The following TUBGCP6 variants were observed in gnomAD, a reference collection of about 807,000 sequenced individuals.
TUBGCP6 encodes the protein tubulin gamma complex component 6, also known as gamma-tubulin complex component 6.
In TUBGCP6, 161 loss-of-function variants were observed where a neutral mutation model predicts 175.8. The observed-to-expected ratio is 0.92, with a 90% CI of 0.81 to 1.04. The LOEUF is 1.04. TUBGCP6 is among the 50% of genes least tolerant of loss of function. The pLI, the probability that TUBGCP6 is intolerant of heterozygous loss-of-function variation, is 0.00. For synonymous variants in TUBGCP6, 1,173 were observed against 1,030.5 expected (o/e 1.14, Z -2.65); for missense variants, 2,572 against 2,433.0 (o/e 1.06, Z -1.20).
chr22:50,233,034 G>A (rs376222008), intron 3 of TUBGCP6, among the ~76,000 whole-genome samples: 17 of 152,268 alleles, frequency 1.1e-4, no homozygotes, highest in African/African-American at 3.4e-4. Context: ...ACTTCAGGAC[G>A]GAAATGGAAA....
intron 2 of TUBGCP6, among the ~76,000 whole-genome samples, chr22:50,237,097 A>G (rs956120555): frequency 3.3e-5 from 5 of 152,358 alleles, no homozygotes; most frequent in Admixed American, 2.6e-4. Flanking sequence ...CATGCAGAGA[A>G]AGAGACCATT....
chr22:50,224,602 A>G lies in TUBGCP6; in HGVS notation c.1984-10T>C. On this transcript the variant is annotated splice_polypyrimidine_tract_variant and intron_variant, in intron 10 of 24. Coordinates refer to ENST00000248846, the MANE Select transcript of TUBGCP6 (RefSeq NM_020461.4). The stretch of plus-strand genomic sequence containing the variant: ...TTTCCATACGTAATTCCTGAGAAAG[A>G]CAACTGGTAATCAAAGCATCCTGGC... The G allele has an allele frequency of 6.2e-7, 1 of 1,613,350 alleles. No individual in the cohort carries two copies.
At chr22:50,237,050 C>T (rs1171510369) in intron 2 of TUBGCP6, among the ~76,000 whole-genome samples, 2 of 152,238 alleles carry the variant, frequency 1.3e-5, no homozygotes, top group Non-Finnish European at 2.9e-5. Context: ...GAACACAACC[C>T]AAAATGTAGC....
At chr22:50,218,426 G>A (rs2064455051) in intron 22 of TUBGCP6, 24 bp from the exon 23 acceptor site, 5 of 1,612,694 alleles carry the variant, frequency 3.1e-6, no homozygotes, top group East Asian at 4.5e-5. Flanking sequence ...GAAGGCAGAG[G>A]GCAGAGGTGA....
In TUBGCP6 at chr22:50,220,302, T is replaced by A; in HGVS notation, c.4057A>T (p.Thr1353Ser). 1 of 1,576,860 alleles carries A rather than the reference T, an allele frequency of 6.3e-7. No homozygotes were observed. The highest frequency in any genetic ancestry group is 8.6e-7 in the Non-Finnish European group (1 of 1,157,142). ...VGENVSDVAPTQPWWPNTPGD... is the reference protein window; with the variant it reads ...VGENVSDVAPSQPWWPNTPGD... ...GGGGTGTTGGGCCACCATGGTTGGG[T>A]GGGAGCCACGTCTGACACGTTCTCC... is the stretch of plus-strand genomic sequence containing the variant. The change falls in exon 16 of 25, where the codon ACC (threonine) becomes TCC (serine). Residue 1353 changes from threonine to serine, a missense_variant. By Grantham distance (58) the Thr-to-Ser change is moderately conservative. Coordinates refer to ENST00000248846, the MANE Select transcript of TUBGCP6 (RefSeq NM_020461.4).
In TUBGCP6 at chr22:50,221,167, C is replaced by T; in HGVS notation, c.3192G>A (p.Gly1064=). ...GHVSDASIRV[G]ENVSDVAPTQ... The stretch of plus-strand genomic sequence containing the variant: ...TGGGAGCCACATCTGACACATTCTC[C>T]CCGACCCTGATGCTGGCGTCAGACA... The change falls in exon 16 of 25, where the codon GGG becomes GGA. Residue 1064 remains glycine (G), a synonymous_variant. Coordinates refer to ENST00000248846, the MANE Select transcript of TUBGCP6 (RefSeq NM_020461.4). 1 of 1,608,164 alleles carries T rather than the reference C, an allele frequency of 6.2e-7. No individual in the cohort carries two copies. The highest frequency in any genetic ancestry group is 1.1e-5 in the South Asian group (1 of 90,898).
Position 50,224,170 on chromosome 22 carries a change from G to A in TUBGCP6, c.2241C>T (p.Ser747=). Residue 747 remains serine (S), a synonymous_variant, in exon 13 of 25, where the codon TCC becomes TCT. Coordinates refer to ENST00000248846, the MANE Select transcript of TUBGCP6 (RefSeq NM_020461.4). ...CCTTCCTCTCCAGCTCCTCCTCCAG[G>A]GACTTCAGCCTTCTCTCCCTGTCTC... ...ELRDRERRLK[S]LEEELERKAR... 1 of 1,613,884 alleles carries A rather than the reference G, an allele frequency of 6.2e-7. No individual in the cohort carries two copies. Among genetic ancestry groups the A allele is most frequent in the Non-Finnish European group, 8.5e-7 (1 of 1,180,012 alleles).
At chr22:50,235,418 G>T (rs947902263) in intron 2 of TUBGCP6, among the ~76,000 whole-genome samples, 3 of 118,880 alleles carry the variant, frequency 2.5e-5, no homozygotes, top group African/African-American at 9.8e-5. Context: ...AACACAGACC[G>T]TCCGTGCAGA....
At chr22:50,240,818 G>A (rs1250610455) in intron 1 of TUBGCP6, among the ~76,000 whole-genome samples, 3 of 152,108 alleles carry the variant, frequency 2.0e-5, no homozygotes, top group Non-Finnish European at 2.9e-5. Context: ...GTGAAACCCC[G>A]TCTCTACTAA....
rs778863982 is a variant in TUBGCP6, at chr22:50,220,358, G to A, written c.4001C>T (p.Ser1334Leu). Residue 1334 changes from serine (S) to leucine (L), a missense_variant, in exon 16 of 25, where the codon TCG becomes TTG. Ser to Leu is a moderately radical substitution (Grantham distance 145). Coordinates refer to ENST00000248846, the MANE Select transcript of TUBGCP6 (RefSeq NM_020461.4). ...GCTGATGCTCCCCTCCCCGCAGCCC[G>A]AGCTGGGGGAGGACAGAGATGGCCC... is the stretch of plus-strand genomic sequence containing the variant. ...EVGPSLSSPS[S>L]GCGEGSISVG... The A allele has an allele frequency of 1.2e-5, 19 of 1,532,062 alleles. No individual in the cohort carries two copies. Among genetic ancestry groups the A allele is most frequent in the East Asian group, 7.2e-5 (3 of 41,758 alleles). 94.9% of individuals were successfully genotyped at this position (1,532,062 alleles called of 1,614,324 possible). A position where few individuals can be genotyped will look rare whatever the true frequency, so the allele number is the denominator to read the frequency against.
rs951067788 is a variant in TUBGCP6 at position 50,219,898 on chromosome 22, C to T, written c.4167+59G>A. 16 of 1,610,286 alleles carry T rather than the reference C, an allele frequency of 9.9e-6. No homozygotes were observed. The African/African-American group carries it at 1.6e-4, about 16-fold the overall frequency. On this transcript the variant is annotated intron_variant, in intron 17 of 24. Coordinates refer to ENST00000248846, the MANE Select transcript of TUBGCP6 (RefSeq NM_020461.4). ...CATGTGGGACCCACCCGCGTGACAA[C>T]CTAGAGGGACAGAGCCCTCCCTGCC...
rs368745421 is a variant in TUBGCP6, at chr22:50,220,370, G to A, written c.3989C>T (p.Ser1330Phe). 6 of 1,560,078 alleles carry A rather than the reference G, an allele frequency of 3.8e-6. No homozygotes were observed. The East Asian group carries it at 6.9e-5, about 18-fold the overall frequency. ...RLPVEVGPSL[S>F]SPSSGCGEGS... ...CTCCCCGCAGCCCGAGCTGGGGGAGGACAGAGATGGCCCCACTTCTACAGG... is the reference window on the plus strand; with the variant it reads ...CTCCCCGCAGCCCGAGCTGGGGGAGAACAGAGATGGCCCCACTTCTACAGG... Residue 1330 changes from serine (S) to phenylalanine (F), a missense_variant, in exon 16 of 25, where the codon TCC becomes TTC. Coordinates refer to ENST00000248846, the MANE Select transcript of TUBGCP6 (RefSeq NM_020461.4).
In TUBGCP6 at chr22:50,219,650, A is replaced by G. The variant is rs530296185; in HGVS notation, c.4309T>C (p.Ser1437Pro). 4.7e-5 allele frequency: 76 copies of G among 1,613,172 alleles called. No homozygotes were observed. The South Asian group carries it at 8.0e-4, about 17-fold the overall frequency. Residue 1437 changes from serine (S) to proline (P), a missense_variant, in exon 18 of 25, where the codon TCC (serine) becomes CCC (proline). By Grantham distance (74) the Ser-to-Pro change is moderately conservative. Coordinates refer to ENST00000248846, the MANE Select transcript of TUBGCP6 (RefSeq NM_020461.4). ...HLERYPDSYE[S>P]MSEPPIAHLL... The stretch of plus-strand genomic sequence containing the variant: ...CAGCAACTGCTGCACTCACACATGG[A>G]CTCGTAACTGTCCGGGTACCGCTCC...
rs1255977287 is a variant in TUBGCP6, at chr22:50,219,193, T to C, written c.4501A>G (p.Lys1501Glu). 5.0e-6 allele frequency: 8 copies of C among 1,611,366 alleles called. No individual in the cohort carries two copies. The highest frequency in any genetic ancestry group is 2.2e-5 in the South Asian group (2 of 91,056). ...ACGAAGAAGTAGTCGACAGCGGCCT[T>C]GTTCACCAAGGAGATGCTGGCAGGA... ...PLAAHISLVN[K>E]AAVDYFFVEL... Residue 1501 changes from lysine to glutamate, a missense_variant, in exon 20 of 25, where the codon AAG becomes GAG. Transcript: ENST00000248846.
In TUBGCP6 at chr22:50,219,242, A is replaced by G. The variant is rs1446470324; in HGVS notation, c.4485-33T>C. On this transcript the variant is annotated intron_variant, in intron 19 of 24. Coordinates refer to ENST00000248846, the MANE Select transcript of TUBGCP6 (RefSeq NM_020461.4). ...GAGGGAGCTGGAGTCAGGGCGGGCC[A>G]GGACGGGCTGGGTGGGCAGACTGGC... 1.9e-6 allele frequency: 3 copies of G among 1,609,934 alleles called. No individual in the cohort carries two copies. In the African/African-American group the frequency reaches 4.0e-5, roughly 21 times the overall value.
At chr22:50,227,645 C>T (rs1465579254) in intron 5 of TUBGCP6, among the ~76,000 whole-genome samples, 1 of 152,224 alleles carries the variant, frequency 6.6e-6, no homozygotes, top group Non-Finnish European at 1.5e-5. Flanking sequence ...GCCACATCTC[C>T]AGGGACCCTG....
At chr22:50,222,189 G>T in intron 14 of TUBGCP6, 87 bp from the exon 15 acceptor site, 1 of 1,421,150 alleles carries the variant, frequency 7.0e-7, no homozygotes, top group Non-Finnish European at 9.7e-7. Context: ...TACCGCCCAT[G>T]GCAGCCATGT....
chr22:50,235,724 G>A (rs1264902897), intron 2 of TUBGCP6, among the ~76,000 whole-genome samples: 2 of 152,172 alleles, frequency 1.3e-5, no homozygotes, highest in African/African-American at 2.4e-5. Context: ...GGCAGATCAC[G>A]AGGTCAGGAG....
chr22:50,231,439 G>A (rs1049428633), intron 3 of TUBGCP6, among the ~76,000 whole-genome samples: 2 of 151,722 alleles, frequency 1.3e-5, no homozygotes, highest in Non-Finnish European at 1.5e-5. Context: ...GGGCGACAGA[G>A]TGAGAATCCG....
Sources: gnomAD v4.1 joint callset for allele counts (sites outside exome capture counted in the v4.1 genomes callset) on GRCh38, gnomAD v4.1.1 for gene constraint, MANE v1.5 for transcripts, NCBI Gene and HGNC (gene_info 2026-07-23, HGNC 2026-07-21) for gene names.